LIPH: variants seen among roughly 807,000 people sequenced by gnomAD.
LIPH encodes lipase member H.
Under a neutral mutation model 47.6 loss-of-function variants are expected in LIPH, and 32 were observed. The ratio of observed to expected loss-of-function variants is 0.67; its 90% CI spans 0.51 to 0.90. The LOEUF is 0.90. LIPH is among the 40% of genes least tolerant of loss of function. The pLI is 0.00. For missense variants in LIPH, 497 were observed against 541.4 expected (o/e 0.92, Z 0.81); for synonymous variants, 190 against 195.6 (o/e 0.97, Z 0.24).
rs58962402 is a variant in LIPH at position 185,506,830 on chromosome 3, T to TAAAAAAAAAAA, written c.*1949_*1959dup. On this transcript the variant is annotated 3_prime_UTR_variant, in exon 10 of 10. Coordinates refer to ENST00000296252, the MANE Select transcript of LIPH (RefSeq NM_139248.3). ...CTGGGTAACAGAAGGAGACTCCATC[T>TAAAAAAAAAAA]AAAAAAAAAAAAAAAAAAAAAAAAA... is the stretch of plus-strand genomic sequence containing the variant. 4.0e-5 allele frequency: 2 copies of TAAAAAAAAAAA among 50,100 alleles called. No homozygotes were observed. Among genetic ancestry groups the TAAAAAAAAAAA allele is most frequent in the African/African-American group, 8.4e-5 (1 of 11,966 alleles). 3.1% of individuals were successfully genotyped at this position (50,100 alleles called of 1,614,324 possible).
rs536408544 is a variant in LIPH at position 185,527,574 on chromosome 3, C to T, written c.538G>A (p.Ala180Thr). 16 of 1,610,332 alleles carry T rather than the reference C, an allele frequency of 9.9e-6. No individual in the cohort carries two copies. The Admixed American group carries it at 2.5e-4, about 25-fold the overall frequency. The change falls in exon 4 of 10, where the codon GCA becomes ACA. Residue 180 changes from alanine to threonine, a missense_variant. Physicochemically the swap from Ala to Thr is moderately conservative, Grantham distance 58. Coordinates refer to ENST00000296252, the MANE Select transcript of LIPH (RefSeq NM_139248.3). ...GGTTTCCCGTTGAATAAAGGGCCTG[C>T]AGGGTCGAGGCCTGGAAGGAAAACA... The part of the protein sequence containing the change: ...WLGRITGLDP[A>T]GPLFNGKPHQ...
At chr3:185,528,097 G>T (rs1293609234) in intron 3 of LIPH, among the ~76,000 whole-genome samples, 1 of 151,642 alleles carries the variant, frequency 6.6e-6, no homozygotes, top group Non-Finnish European at 1.5e-5. Context: ...GGTGGTGTGT[G>T]CCTGTAGTCC....
intron 8 of LIPH, among the ~76,000 whole-genome samples, chr3:185,512,901 AAG>A: frequency 6.6e-6 from 1 of 152,242 alleles, no homozygotes; most frequent in Admixed American, 6.5e-5. Flanking sequence ...AAACTAATCT[AAG>A]AGGTGCCCAG....
intron 1 of LIPH, among the ~76,000 whole-genome samples, chr3:185,538,954 TACAC>T (rs1720613963): frequency 2.1e-5 from 3 of 139,630 alleles, no homozygotes; most frequent in Admixed American, 7.4e-5. Context: ...TACATATATA[TACAC>T]ATATATATAT....
intron 5 of LIPH, among the ~76,000 whole-genome samples, chr3:185,519,528 C>G (rs1382687915): frequency 6.6e-6 from 1 of 151,842 alleles, no homozygotes; most frequent in African/African-American, 2.4e-5. Context: ...AGAATTAGAG[C>G]AAATATGCTT....
At chr3:185,521,034 T>C (rs1432258472) in intron 5 of LIPH, among the ~76,000 whole-genome samples, 1 of 151,966 alleles carries the variant, frequency 6.6e-6, no homozygotes, top group Non-Finnish European at 1.5e-5. Context: ...CACTTCCGGC[T>C]AATTTTGTAT....
At position 185,517,137 on chromosome 3, in the gene LIPH, G is replaced by T; in HGVS notation, c.912C>A (p.Asp304Glu). The T allele has an allele frequency of 6.2e-7, 1 of 1,608,410 alleles. No individual in the cohort carries two copies. The highest frequency in any genetic ancestry group is 8.5e-7 in the Non-Finnish European group (1 of 1,174,826). The stretch of plus-strand genomic sequence containing the variant: ...TTGGAGGATCTTTCCCCCTTAGATG[G>T]TCTTTCCAATTATCAGCATAATAGC... ...LLGYYADNWKDHLRGKDPPMT... is the reference protein window; with the variant it reads ...LLGYYADNWKEHLRGKDPPMT... The change falls in exon 7 of 10, where the codon GAC becomes GAA. Residue 304 changes from aspartate (D) to glutamate (E), a missense_variant. Asp to Glu is a conservative substitution (Grantham distance 45, BLOSUM62 2). Transcript: ENST00000296252.
chr3:185,544,353 T>A (rs1178243603), intron 1 of LIPH, among the ~76,000 whole-genome samples: 1 of 151,942 alleles, frequency 6.6e-6, no homozygotes, highest in African/African-American at 2.4e-5. Flanking sequence ...TTTTTTGTTT[T>A]GTTTTGTTTT....
intron 1 of LIPH, among the ~76,000 whole-genome samples, chr3:185,538,363 T>C (rs1459583059): frequency 6.6e-6 from 1 of 152,138 alleles, no homozygotes; most frequent in Non-Finnish European, 1.5e-5. Context: ...CACAAATAAG[T>C]ATAAAACTGC....
In LIPH at chr3:185,551,054, G is replaced by T. The variant is rs184547476; in HGVS notation, c.49+1369C>A. 5.9e-3 allele frequency among the ~76,000 whole-genome samples: 899 copies of T among 152,166 alleles called. 9 individuals carry two copies. Among genetic ancestry groups the T allele is most frequent in the Middle Eastern group, 0.044 (13 of 294 alleles). ...CCAGGCGCAGTGGCGCACTCCTGTA[G>T]TCCCAGCTATTTGGGAGGCTGAGGC... is the stretch of plus-strand genomic sequence containing the variant. On this transcript the variant is annotated intron_variant, in intron 1 of 9. Transcript: ENST00000296252.
chr3:185,524,006 G>A (rs1719986605), intron 5 of LIPH, 65 bp downstream of exon 5: 10 of 1,105,436 alleles, frequency 9.0e-6, no homozygotes, highest in South Asian at 1.2e-5. Context: ...ACAGGCATGA[G>A]CCACCATGCA....
At chr3:185,517,480 C>G (rs1258941152) in intron 6 of LIPH, among the ~76,000 whole-genome samples, 3 of 152,188 alleles carry the variant, frequency 2.0e-5, no homozygotes, top group Non-Finnish European at 4.4e-5. Flanking sequence ...GTAATACATT[C>G]ATTTTCTAGA....
At chr3:185,522,638 A>G (rs111570170) in intron 5 of LIPH, among the ~76,000 whole-genome samples, 62 of 135,946 alleles carry the variant, frequency 4.6e-4, no homozygotes, top group African/African-American at 8.7e-4. Context: ...AAGGAAAAGA[A>G]AGAGAGAAAG....
At position 185,506,318 on chromosome 3, in the gene LIPH, T is replaced by C. The variant is rs1318700586; in HGVS notation, c.*2472A>G. ...CACTGTTACATGAAACTTACTGAAA[T>C]TCATCTCCTCTCCGGTGAACAAACT... On this transcript the variant is annotated 3_prime_UTR_variant, in exon 10 of 10. Coordinates refer to ENST00000296252, the MANE Select transcript of LIPH (RefSeq NM_139248.3). 1 of 152,164 alleles carries C rather than the reference T, an allele frequency of 6.6e-6. No homozygotes were observed. The highest frequency in any genetic ancestry group is 6.5e-5 in the Admixed American group (1 of 15,268). 9.4% of individuals were successfully genotyped at this position (152,164 alleles called of 1,614,324 possible).
At position 185,508,706 on chromosome 3, in the gene LIPH, T is replaced by G. The variant is rs558659224; in HGVS notation, c.*84A>C. The G allele has an allele frequency of 1.3e-5, 13 of 989,832 alleles. No homozygotes were observed. Among genetic ancestry groups the G allele is most frequent in the Non-Finnish European group, 1.8e-5 (11 of 614,170 alleles). The allele number at this position is 989,832 out of a possible 1,614,324, so 61.3% of individuals were successfully genotyped here. A position where few individuals can be genotyped will look rare whatever the true frequency, so the allele number is the denominator to read the frequency against. ...GGTTTTTTTCATACTTTTTCTGCCT[T>G]GCAGAAAGGTGAGGTGAAGCTTTCA... On this transcript the variant is annotated 3_prime_UTR_variant, in exon 10 of 10. Coordinates refer to ENST00000296252, the MANE Select transcript of LIPH (RefSeq NM_139248.3).
chr3:185,534,967 G>T lies in LIPH; in HGVS notation c.215C>A (p.Thr72Asn). Residue 72 changes from threonine to asparagine, a missense_variant, in exon 2 of 10, where the codon ACC becomes AAC. By Grantham distance (65) the Thr-to-Asn change is moderately conservative (BLOSUM62 0). Coordinates refer to ENST00000296252, the MANE Select transcript of LIPH (RefSeq NM_139248.3). ...FGNLNVTKKT[T>N]FIVHGFRPTG... is the part of the protein sequence containing the mutation. The stretch of plus-strand genomic sequence containing the variant: ...TGGCCTGAATCCATGGACAATGAAG[G>T]TGGTTTTCTTGGTCACATTCAAGTT... 1 of 1,613,930 alleles carries T rather than the reference G, an allele frequency of 6.2e-7. No individual in the cohort carries two copies. Among genetic ancestry groups the T allele is most frequent in the Non-Finnish European group, 8.5e-7 (1 of 1,179,896 alleles).
chr3:185,512,898 T>C (rs939599693), intron 8 of LIPH, among the ~76,000 whole-genome samples: 1 of 152,224 alleles, frequency 6.6e-6, no homozygotes, highest in Non-Finnish European at 1.5e-5. Context: ...ATAAAACTAA[T>C]CTAAGAGGTG....
intron 1 of LIPH, among the ~76,000 whole-genome samples, chr3:185,542,527 C>T (rs7651959): frequency 6.6e-6 from 1 of 151,314 alleles, no homozygotes; most frequent in African/African-American, 2.4e-5. Flanking sequence ...ATGTTGTCCA[C>T]GCTGGTCTCG....
At chr3:185,529,200 AGAAAAAG>A (rs1720229693) in intron 3 of LIPH, among the ~76,000 whole-genome samples, 2 of 146,920 alleles carry the variant, frequency 1.4e-5, no homozygotes, top group African/African-American at 5.0e-5. Context: ...AAAGAAAAAA[AGAAAAAG>A]AAAAAGAAAG....
Sources: gnomAD v4.1 joint callset for allele counts (sites outside exome capture counted in the v4.1 genomes callset) on GRCh38, gnomAD v4.1.1 for gene constraint, MANE v1.5 for transcripts, NCBI Gene and HGNC (gene_info 2026-07-23, HGNC 2026-07-21) for gene names.